CSPG4: variants seen among roughly 807,000 people sequenced by gnomAD.
CSPG4 encodes chondroitin sulfate proteoglycan 4 (melanoma-associated).
CSPG4 carries 74 observed loss-of-function variants against 139.3 expected under a neutral mutation model. The ratio of observed to expected loss-of-function variants is 0.53; its 90% CI spans 0.44 to 0.64. The LOEUF is 0.64. Ranked by LOEUF, CSPG4 falls within the 30% of genes least tolerant of loss-of-function variation. The probability of loss-of-function intolerance (pLI) is 0.00; values close to 1 mark genes in which losing one functional copy is unlikely to be tolerated. For synonymous variants in CSPG4, 1,234 were observed against 1,394.2 expected, an observed-to-expected ratio of 0.89 and a Z score of 2.56; for missense variants, 2,565 against 3,148.3, an observed-to-expected ratio of 0.81 and a Z score of 4.43.
At position 75,690,805 on chromosome 15, in the gene CSPG4, A is replaced by G. The variant is rs774616307; in HGVS notation, c.260T>C (p.Leu87Pro). 2.5e-6 allele frequency: 4 copies of G among 1,607,808 alleles called. No individual in the cohort carries two copies. In the East Asian group the frequency reaches 8.9e-5, roughly 36 times the overall value. The change falls in exon 3 of 10, where the codon CTT (leucine) becomes CCT (proline). Residue 87 changes from leucine (L) to proline (P), a missense_variant. By Grantham distance (98) the Leu-to-Pro change is moderately conservative (BLOSUM62 -3). Coordinates refer to ENST00000308508, the MANE Select transcript of CSPG4 (RefSeq NM_001897.5). ...CCTCAGCTCCTCCTGGCCCAGAACAAGTCTGACCTGAAGAGAGATGGGGAG... is the reference window on the plus strand; with the variant it reads ...CCTCAGCTCCTCCTGGCCCAGAACAGGTCTGACCTGAAGAGAGATGGGGAG... Reference protein sequence around the residue: ...QLYSGRLQVRLVLGQEELRLQ... With the variant: ...QLYSGRLQVRPVLGQEELRLQ...
In CSPG4 at chr15:75,675,338, C is replaced by T. The variant is rs1459294621; in HGVS notation, c.*212G>A. The T allele has an allele frequency of 2.2e-6, 1 of 452,060 alleles. No individual in the cohort carries two copies. Among genetic ancestry groups the T allele is most frequent in the East Asian group, 3.6e-5 (1 of 27,772 alleles). 28.0% of individuals were successfully genotyped at this position (452,060 alleles called of 1,614,324 possible). On this transcript the variant is annotated 3_prime_UTR_variant, in exon 10 of 10. Transcript: ENST00000308508. ...CCTCCACCTTGGCCCCTGCAGTTCT[C>T]CAGGCTCGGAGTGAGCTGAGGGAGG...
chr15:75,682,991 C>A lies in CSPG4; in HGVS notation c.4500G>T (p.Thr1500=). The change falls in exon 6 of 10, where the codon ACG becomes ACT. Residue 1500 remains threonine (T), a synonymous_variant. Coordinates refer to ENST00000308508, the MANE Select transcript of CSPG4 (RefSeq NM_001897.5). ...APIPAEALRS[T]DGDSGSEDLV... is the part of the protein sequence containing the mutation. ...GATCCTCAGACCCAGAGTCGCCGTC[C>A]GTGCTCCTCAGAGCCTCCGCAGGGA... is the stretch of plus-strand genomic sequence containing the variant. 6.2e-7 allele frequency: 1 copy of A among 1,611,356 alleles called. No individual in the cohort carries two copies. Among genetic ancestry groups the A allele is most frequent in the East Asian group, 2.2e-5 (1 of 44,860 alleles).
Position 75,677,153 on chromosome 15 carries a change from C to G in CSPG4, c.5366G>C (p.Gly1789Ala). 1 of 1,431,920 alleles carries G rather than the reference C, an allele frequency of 7.0e-7. No individual in the cohort carries two copies. The allele number at this position is 1,431,920 out of a possible 1,614,324, so 88.7% of individuals were successfully genotyped here. Reference protein sequence around the residue: ...LAAGQLVYAHGGGGTQQDGFH... With the variant: ...LAAGQLVYAHAGGGTQQDGFH... Reference sequence around the variant, plus strand: ...GCCATCCTGCTGGGTGCCCCCACCGCCGTGGGCATACACTAGCTGCCCTGC... The same window carrying G: ...GCCATCCTGCTGGGTGCCCCCACCGGCGTGGGCATACACTAGCTGCCCTGC... Residue 1789 changes from glycine (G) to alanine (A), a missense_variant, in exon 10 of 10, where the codon GGC becomes GCC. Physicochemically the swap from Gly to Ala is moderately conservative, Grantham distance 60. Coordinates refer to ENST00000308508, the MANE Select transcript of CSPG4 (RefSeq NM_001897.5).
chr15:75,707,736 T>C (rs1480083412), intron 1 of CSPG4, among the ~76,000 whole-genome samples: 1 of 152,214 alleles, frequency 6.6e-6, no homozygotes, highest in East Asian at 1.9e-4. Context: ...AGGCGTCCCA[T>C]ATTCCCAAGC....
Position 75,677,776 on chromosome 15 carries a change from G to A in CSPG4, c.5061C>T (p.Ala1687=), listed in dbSNP as rs1401384003. 10 of 1,611,170 alleles carry A rather than the reference G, an allele frequency of 6.2e-6. No homozygotes were observed. The highest frequency in any genetic ancestry group is 3.4e-5 in the Admixed American group (2 of 59,468). Residue 1687 remains alanine, a synonymous_variant, in exon 9 of 10, where the codon GCC becomes GCT. Coordinates refer to ENST00000308508, the MANE Select transcript of CSPG4 (RefSeq NM_001897.5). ...QLSSPPARDV[A]ATLAVAVSFE... is the part of the protein sequence containing the mutation. ...AAGACACAGCCACAGCAAGGGTGGC[G>A]GCCACGTCCCGGGCAGGCGGCGAGG... is the stretch of plus-strand genomic sequence containing the variant.
Position 75,684,838 on chromosome 15 carries a change from A to G in CSPG4, c.4347T>C (p.Asn1449=). Residue 1449 remains asparagine (N), a synonymous_variant, in exon 5 of 10, where the codon AAT becomes AAC. Transcript: ENST00000308508. ...TLTDSFVLMA[N]ASEMDRQSHP... ...GGCTCTGGCGATCCATCTCGGAGGC[A>G]TTAGCCATCAGGACAAAACTGTCTG... 6.2e-7 allele frequency: 1 copy of G among 1,613,640 alleles called. No individual in the cohort carries two copies. Among genetic ancestry groups the G allele is most frequent in the Non-Finnish European group, 8.5e-7 (1 of 1,179,870 alleles).
At position 75,689,082 on chromosome 15, in the gene CSPG4, C is replaced by T. The variant is rs759641959; in HGVS notation, c.1983G>A (p.Pro661=). 2.0e-4 allele frequency: 316 copies of T among 1,606,830 alleles called. No homozygotes were observed. Among genetic ancestry groups the T allele is most frequent in the Non-Finnish European group, 2.5e-4 (297 of 1,177,052 alleles). Residue 661 remains proline (P), a synonymous_variant, in exon 3 of 10, where the codon CCG becomes CCA. Transcript: ENST00000308508. ...CTGTGCTGCGGTGGATCTGTATGGC[C>T]GGCCGGATGGCCACCACCTTCAGCG... ...PATLKVVAIR[P]AIQIHRSTGL...
At chr15:75,686,266 CGT>C (rs1180605671) in intron 3 of CSPG4, among the ~76,000 whole-genome samples, 3 of 152,090 alleles carry the variant, frequency 2.0e-5, no homozygotes, top group African/African-American at 2.4e-5. Flanking sequence ...TGTACACATG[CGT>C]GTGTGCACAC....
chr15:75,708,371 CCT>C (rs1445682383), intron 1 of CSPG4, among the ~76,000 whole-genome samples: 3 of 128,078 alleles, frequency 2.3e-5, no homozygotes, highest in Non-Finnish European at 4.9e-5. Context: ...CAGCTATCAC[CCT>C]ACATCAGAGA....
chr15:75,684,562 T>C (rs1894024914), intron 5 of CSPG4, among the ~76,000 whole-genome samples, 174 bp downstream of exon 5: 1 of 152,230 alleles, frequency 6.6e-6, no homozygotes, highest in African/African-American at 2.4e-5. Flanking sequence ...GTGTTCTATT[T>C]CAGCACAATC....
Position 75,675,263 on chromosome 15 carries a change from T to G in CSPG4, c.*287A>C. On this transcript the variant is annotated 3_prime_UTR_variant, in exon 10 of 10. Transcript: ENST00000308508. The stretch of plus-strand genomic sequence containing the variant: ...TGACCCATGTAGGAGGTTACCCTGG[T>G]TTTGACAGCCCAAACCAGCTCCAGG... 3.0e-6 allele frequency: 1 copy of G among 332,848 alleles called. No homozygotes were observed. The highest frequency in any genetic ancestry group is 5.4e-6 in the Non-Finnish European group (1 of 184,904). The allele number at this position is 332,848 out of a possible 1,614,324, so 20.6% of individuals were successfully genotyped here.
At chr15:75,712,862 G>A (rs898240199), upstream of CSPG4, 1 of 945,492 alleles carries the variant, frequency 1.1e-6, no homozygotes, top group Non-Finnish European at 1.5e-6. Context: ...CCGGCTCCGG[G>A]TGTCCGCGCA....
chr15:75,711,415 TG>T (rs1004961476), intron 1 of CSPG4, among the ~76,000 whole-genome samples: 15 of 151,724 alleles, frequency 9.9e-5, no homozygotes, highest in African/African-American at 3.6e-4. Context: ...GGCTGGAGGC[TG>T]GGGCCTGAAT....
chr15:75,676,353 G>A lies in CSPG4; in HGVS notation c.6166C>T (p.Pro2056Ser). The A allele has an allele frequency of 2.5e-6, 4 of 1,613,062 alleles. No individual in the cohort carries two copies. The highest frequency in any genetic ancestry group is 2.5e-6 in the Non-Finnish European group (3 of 1,179,980). ...LLHVWAGGPW[P>S]QGATLRLDPT... Reference sequence around the variant, plus strand: ...TCCAGGCGCAGGGTGGCACCCTGGGGCCATGGCCCACCTGCCCACACATGC... The same window carrying A: ...TCCAGGCGCAGGGTGGCACCCTGGGACCATGGCCCACCTGCCCACACATGC... The change falls in exon 10 of 10, where the codon CCC becomes TCC. Residue 2056 changes from proline to serine, a missense_variant. Physicochemically the swap from Pro to Ser is moderately conservative, Grantham distance 74 (BLOSUM62 -1). Transcript: ENST00000308508.
intron 1 of CSPG4, among the ~76,000 whole-genome samples, chr15:75,704,523 G>A (rs1894344609): frequency 6.6e-6 from 1 of 152,190 alleles, no homozygotes; most frequent in South Asian, 2.1e-4. Flanking sequence ...TAAAACATGT[G>A]GGTGGGGGGC....
At chr15:75,694,974 CCACCGT>C (rs1320141537) in intron 1 of CSPG4, among the ~76,000 whole-genome samples, 1 of 152,228 alleles carries the variant, frequency 6.6e-6, no homozygotes, top group Admixed American at 6.5e-5. Flanking sequence ...GATAGAGCCA[CCACCGT>C]CACCTGCTGG....
intron 1 of CSPG4, among the ~76,000 whole-genome samples, chr15:75,703,866 GCT>G (rs1307581274): frequency 8.2e-6 from 1 of 121,682 alleles, no homozygotes; most frequent in Non-Finnish European, 1.7e-5. Context: ...AAAAGGAGCA[GCT>G]CTGAGTGGTG....
At position 75,696,063 on chromosome 15, in the gene CSPG4, T is replaced by C. The variant is rs1339486365; in HGVS notation, c.89-2830A>G. Among the ~76,000 whole-genome samples, 1 of 152,126 alleles carries C rather than the reference T, an allele frequency of 6.6e-6. No individual in the cohort carries two copies. Among genetic ancestry groups the C allele is most frequent in the Non-Finnish European group, 1.5e-5 (1 of 68,022 alleles). On this transcript the variant is annotated intron_variant, in intron 1 of 9. Coordinates refer to ENST00000308508, the MANE Select transcript of CSPG4 (RefSeq NM_001897.5). This position sits in a 1 kb window ranked among gnomAD's most constrained non-coding sequence, Gnocchi z 4.2. ...TCTCCTGGGTCAAGAGGACCCATGA[T>C]TCATCAAAACAGCAGACCAAACCTG...
chr15:75,688,523 T>C lies in CSPG4; in HGVS notation c.2542A>G (p.Thr848Ala). The change falls in exon 3 of 10, where the codon ACC becomes GCC. Residue 848 changes from threonine to alanine, a missense_variant. Physicochemically the swap from Thr to Ala is moderately conservative, Grantham distance 58 (BLOSUM62 0). Around this residue, in one of 5 missense-constraint regions of CSPG4, gnomAD observed 2,316 missense variants for 2,818.2 expected, o/e 0.82. Coordinates refer to ENST00000308508, the MANE Select transcript of CSPG4 (RefSeq NM_001897.5). ...GTRLSDGQGFTQDDIQAGRVT... is the reference protein window; with the variant it reads ...GTRLSDGQGFAQDDIQAGRVT... ...CGGCCAGCCTGTATGTCATCCTGGG[T>C]GAAGCCCTGGCCATCTGACAGCCTT... 6.8e-6 allele frequency: 11 copies of C among 1,613,208 alleles called. No homozygotes were observed. The highest frequency in any genetic ancestry group is 9.3e-6 in the Non-Finnish European group (11 of 1,180,028).
Sources: gnomAD v4.1 joint callset for allele counts (sites outside exome capture counted in the v4.1 genomes callset) on GRCh38, gnomAD v4.1.1 for gene constraint, gnomAD v4.1.1 regional missense constraint, Gnocchi (gnomAD v3.1) non-coding constraint, MANE v1.5 for transcripts, NCBI Gene and HGNC (gene_info 2026-07-23, HGNC 2026-07-21) for gene names.